The following LRRK2 variants were observed in gnomAD, a reference collection of about 807,000 sequenced individuals.
LRRK2 encodes leucine-rich repeat serine/threonine-protein kinase 2.
LRRK2 carries 203 observed loss-of-function variants against 302.6 expected under a neutral mutation model. That is an observed-to-expected ratio of 0.67 (90% CI 0.60 to 0.75). The LOEUF is 0.75. Ranked by LOEUF, LRRK2 falls within the 30% of genes least tolerant of loss-of-function variation. The probability of loss-of-function intolerance (pLI) is 0.00; values close to 1 mark genes in which losing one functional copy is unlikely to be tolerated. For missense variants in LRRK2, 2,830 were observed against 2,951.0 expected, an observed-to-expected ratio of 0.96 and a Z score of 0.95; for synonymous variants, 1,066 against 1,031.9, an observed-to-expected ratio of 1.03 and a Z score of -0.63.
At chr12:40,334,846 T>G in intron 39 of LRRK2, 121 bp from the exon 40 acceptor site, 2 of 1,148,362 alleles carry the variant, frequency 1.7e-6, no homozygotes, top group Non-Finnish European at 2.6e-6. Flanking sequence ...AAATGGAAAG[T>G]TTGCTATGAT....
At chr12:40,257,693 A>C (rs1449771825) in intron 12 of LRRK2, among the ~76,000 whole-genome samples, 3 of 152,228 alleles carry the variant, frequency 2.0e-5, no homozygotes, top group African/African-American at 7.2e-5. Flanking sequence ...TGTGTGTGTG[A>C]AAGTTATAAA....
intron 44 of LRRK2, among the ~76,000 whole-genome samples, chr12:40,353,123 G>C (rs549332749): frequency 1.3e-5 from 2 of 151,658 alleles, no homozygotes; most frequent in Non-Finnish European, 1.5e-5. Context: ...GCTGCCCAGC[G>C]GAGACGCTCC....
chr12:40,265,025 TAAATTA>T (rs1298505852), intron 14 of LRRK2, among the ~76,000 whole-genome samples: 1 of 152,200 alleles, frequency 6.6e-6, no homozygotes, highest in Non-Finnish European at 1.5e-5. Flanking sequence ...ATGAATGTCA[TAAATTA>T]ATTAAAGTGG....
rs777296873 is a variant in LRRK2 at position 40,363,386 on chromosome 12, T to C, written c.7029-16T>C. On this transcript the variant is annotated splice_polypyrimidine_tract_variant and intron_variant, in intron 47 of 50. Coordinates refer to ENST00000298910, the MANE Select transcript of LRRK2 (RefSeq NM_198578.4). ...AAAACAAATAGTGATGACTTTCTAT[T>C]TTTTTTTCTCTGTAGGTTTTCTTAT... 8.3e-6 allele frequency: 12 copies of C among 1,448,952 alleles called. No homozygotes were observed. Among genetic ancestry groups the C allele is most frequent in the Middle Eastern group, 3.5e-4 (2 of 5,688 alleles). 89.8% of individuals were successfully genotyped at this position (1,448,952 alleles called of 1,614,324 possible).
chr12:40,349,351 A>T (rs1312064354), intron 43 of LRRK2, among the ~76,000 whole-genome samples: 1 of 152,186 alleles, frequency 6.6e-6, no homozygotes, highest in Non-Finnish European at 1.5e-5. Flanking sequence ...TCATCCAGGA[A>T]TATTTTAACC....
chr12:40,267,371 C>A (rs541403613), intron 14 of LRRK2, among the ~76,000 whole-genome samples: 11 of 152,112 alleles, frequency 7.2e-5, no homozygotes, highest in Admixed American at 2.0e-4. Flanking sequence ...GGAGGGATAC[C>A]AGCATTGTGA....
intron 39 of LRRK2, among the ~76,000 whole-genome samples, chr12:40,329,983 G>A (rs946646729): frequency 6.6e-6 from 1 of 152,170 alleles, no homozygotes; most frequent in African/African-American, 2.4e-5. Context: ...TTGTATAACA[G>A]AATCTACTTT....
At chr12:40,230,924 G>T (rs1941149258) in intron 2 of LRRK2, among the ~76,000 whole-genome samples, 1 of 152,042 alleles carries the variant, frequency 6.6e-6, no homozygotes. Flanking sequence ...TTCGAAATGT[G>T]AAAGAGCCTA....
At chr12:40,231,103 T>C (rs187772318) in intron 2 of LRRK2, among the ~76,000 whole-genome samples, 134 of 152,270 alleles carry the variant, frequency 8.8e-4, no homozygotes, top group South Asian at 1.2e-3. Flanking sequence ...TCTATTATTC[T>C]AGCTTCATTA....
At chr12:40,342,395 T>C (rs1023385912) in intron 41 of LRRK2, among the ~76,000 whole-genome samples, 2 of 152,150 alleles carry the variant, frequency 1.3e-5, no homozygotes, top group Non-Finnish European at 2.9e-5. Flanking sequence ...AACATAAATA[T>C]GGAGACAGAT....
intron 5 of LRRK2, among the ~76,000 whole-genome samples, chr12:40,239,261 C>T (rs992473172): frequency 1.3e-5 from 2 of 152,042 alleles, no homozygotes; most frequent in African/African-American, 4.8e-5. Context: ...GGCCTGGTAC[C>T]CAGCTCTTTG....
chr12:40,249,136 G>A (rs1206054772), intron 7 of LRRK2, among the ~76,000 whole-genome samples: 1 of 152,108 alleles, frequency 6.6e-6, no homozygotes, highest in Non-Finnish European at 1.5e-5. Flanking sequence ...TTAGAAAGAA[G>A]CTTGGTAACT....
rs764870651 is a variant in LRRK2, at chr12:40,308,462, A to G, written c.3960-5A>G. 1.9e-6 allele frequency: 3 copies of G among 1,607,826 alleles called. No individual in the cohort carries two copies. The Middle Eastern group carries it at 5.0e-4, about 266-fold the overall frequency. The stretch of plus-strand genomic sequence containing the variant: ...ATTATTTTATTTTTATCTTTCAAAT[A>G]CTAGGTTTCTTCAACAGCGATTAAA... On this transcript the variant is annotated splice_region_variant and splice_polypyrimidine_tract_variant and intron_variant, in intron 28 of 50. Transcript: ENST00000298910.
intron 38 of LRRK2, 60 bp from the exon 39 acceptor site, chr12:40,328,300 T>C: frequency 8.0e-7 from 1 of 1,253,416 alleles, no homozygotes; most frequent in South Asian, 1.2e-5. Context: ...AGATATAATT[T>C]ATTTAGTTTT....
intron 11 of LRRK2, among the ~76,000 whole-genome samples, chr12:40,253,290 G>T (rs1367026903): frequency 6.6e-6 from 1 of 151,822 alleles, no homozygotes; most frequent in African/African-American, 2.4e-5. Flanking sequence ...GTAGAAATGG[G>T]ATCATATTAT....
intron 41 of LRRK2, among the ~76,000 whole-genome samples, chr12:40,346,088 CTTTT>C (rs1249676845): frequency 6.6e-6 from 1 of 151,836 alleles, no homozygotes; most frequent in Non-Finnish European, 1.5e-5. Context: ...TGAAATCACT[CTTTT>C]TTTCTGAAGA....
chr12:40,313,571 T>A (rs887127594), intron 31 of LRRK2, among the ~76,000 whole-genome samples: 2 of 152,022 alleles, frequency 1.3e-5, no homozygotes, highest in Non-Finnish European at 2.9e-5. Flanking sequence ...TAAAATATAA[T>A]AATATCCAAA....
intron 46 of LRRK2, among the ~76,000 whole-genome samples, chr12:40,357,038 C>T (rs1946561789): frequency 6.6e-6 from 1 of 152,116 alleles, no homozygotes; most frequent in Non-Finnish European, 1.5e-5. Context: ...TCCTATCTAA[C>T]TGTATGTTTG....
chr12:40,328,286 C>A, intron 38 of LRRK2, 74 bp from the exon 39 acceptor site: 1 of 1,125,706 alleles, frequency 8.9e-7, no homozygotes, highest in Non-Finnish European at 1.3e-6. Context: ...GATATAATTA[C>A]AACAGATATA....
Sources: gnomAD v4.1 joint callset for allele counts (sites outside exome capture counted in the v4.1 genomes callset) on GRCh38, gnomAD v4.1.1 for gene constraint, MANE v1.5 for transcripts, NCBI Gene and HGNC (gene_info 2026-07-23, HGNC 2026-07-21) for gene names.